The following IL2RA variants were observed in gnomAD, a reference collection of about 807,000 sequenced individuals.
The protein encoded by IL2RA is interleukin-2 receptor subunit alpha.
IL2RA carries 24 observed loss-of-function variants against 37.8 expected under a neutral mutation model. The ratio of observed to expected loss-of-function variants is 0.63; its 90% CI spans 0.46 to 0.89. The LOEUF (loss-of-function observed/expected upper bound fraction) is 0.89. IL2RA is among the 40% of genes least tolerant of loss of function. IL2RA has a pLI of 0.00. For missense variants in IL2RA, 319 were observed against 348.6 expected (o/e 0.92, Z 0.68); for synonymous variants, 125 against 114.6 (o/e 1.09, Z -0.58).
In IL2RA at chr10:6,047,720, A is replaced by T. The variant is rs974505598; in HGVS notation, c.64+14368T>A. ...ATCTTAGCTTATGAAATTATCTTAT[A>T]TGATAAAATAATTATACAGATATAT... On this transcript the variant is annotated intron_variant, in intron 1 of 7. Coordinates refer to ENST00000379959, the MANE Select transcript of IL2RA (RefSeq NM_000417.3). The surrounding 1 kb of genome is among the most constrained non-coding windows in gnomAD (Gnocchi z 5.0). 1.9e-4 allele frequency among the ~76,000 whole-genome samples: 28 copies of T among 149,580 alleles called. 1 individual carries two copies. Among genetic ancestry groups the T allele is most frequent in the Admixed American group, 1.5e-3 (22 of 14,952 alleles).
chr10:6,032,180 A>T (rs1283275137), intron 1 of IL2RA, among the ~76,000 whole-genome samples: 2 of 152,104 alleles, frequency 1.3e-5, no homozygotes, highest in Non-Finnish European at 1.5e-5. Context: ...CTTATGCAAG[A>T]ATTAATTTTA....
chr10:6,038,037 CAT>C (rs1318404407), intron 1 of IL2RA, among the ~76,000 whole-genome samples: 2 of 152,158 alleles, frequency 1.3e-5, no homozygotes, highest in East Asian at 3.9e-4. Context: ...TTAATGGTAT[CAT>C]AGAATATGAG....
Position 6,025,773 on chromosome 10 carries a change from G to T in IL2RA, c.256+61C>A. The T allele has an allele frequency of 2.6e-6, 4 of 1,515,394 alleles. No homozygotes were observed. Among genetic ancestry groups the T allele is most frequent in the Non-Finnish European group, 3.7e-6 (4 of 1,091,210 alleles). The allele number at this position is 1,515,394 out of a possible 1,614,324, so 93.9% of individuals were successfully genotyped here. A position where few individuals can be genotyped will look rare whatever the true frequency, so the allele number is the denominator to read the frequency against. Reference sequence around the variant, plus strand: ...ATAGGGCTGAGTGAACAAAAGCTGGGCTCTGTCTCACTCTTTGCTGCAGTT... The same window carrying T: ...ATAGGGCTGAGTGAACAAAAGCTGGTCTCTGTCTCACTCTTTGCTGCAGTT... On this transcript the variant is annotated intron_variant, in intron 2 of 7. Coordinates refer to ENST00000379959, the MANE Select transcript of IL2RA (RefSeq NM_000417.3). The surrounding 1 kb of genome is among the most constrained non-coding windows in gnomAD (Gnocchi z 4.4).
At position 6,025,886 on chromosome 10, in the gene IL2RA, T is replaced by C. The variant is rs563759672; in HGVS notation, c.204A>G (p.Thr68=). The change falls in exon 2 of 8, where the codon ACA becomes ACG. Residue 68 remains threonine, a synonymous_variant. Coordinates refer to ENST00000379959, the MANE Select transcript of IL2RA (RefSeq NM_000417.3). The surrounding 1 kb of genome is among the most constrained non-coding windows in gnomAD (Gnocchi z 4.4). ...IKSGSLYMLC[T]GNSSHSSWDN... ...CCCAGGACGAGTGGCTAGAGTTTCC[T>C]GTACAGAGCATATAGAGTGACCCGC... The C allele has an allele frequency of 3.0e-5, 49 of 1,614,250 alleles. No homozygotes were observed. In the South Asian group the frequency reaches 4.3e-4, roughly 14 times the overall value.
At chr10:6,017,928 C>G in intron 7 of IL2RA, 125 bp downstream of exon 7, 1 of 767,148 alleles carries the variant, frequency 1.3e-6, no homozygotes. Flanking sequence ...ATTGGCCTCT[C>G]CCTTTGCCAC....
At chr10:6,055,337 A>G (rs1840026599) in intron 1 of IL2RA, among the ~76,000 whole-genome samples, 1 of 152,156 alleles carries the variant, frequency 6.6e-6, no homozygotes, top group Admixed American at 6.5e-5. Flanking sequence ...GTATTCAAGG[A>G]ACTGGAAGGG....
Position 6,019,886 on chromosome 10 carries a change from G to A in IL2RA, c.639C>T (p.Cys213=), listed in dbSNP as rs1211949622. ...CTCCCGCACCTGTTGTTGTGACGAG[G>A]CAGGAAGTCTCACTCTCAGGACGGC... The part of the protein sequence containing the change: ...PEGRPESETS[C]LVTTTDFQIQ... Residue 213 remains cysteine (C), a synonymous_variant, in exon 5 of 8, where the codon TGC becomes TGT. Coordinates refer to ENST00000379959, the MANE Select transcript of IL2RA (RefSeq NM_000417.3). 3.1e-6 allele frequency: 5 copies of A among 1,614,004 alleles called. No individual in the cohort carries two copies. Among genetic ancestry groups the A allele is most frequent in the African/African-American group, 2.7e-5 (2 of 74,940 alleles).
chr10:6,017,567 G>A (rs7918154), intron 7 of IL2RA, among the ~76,000 whole-genome samples: 5 of 116,068 alleles, frequency 4.3e-5, no homozygotes, highest in Non-Finnish European at 3.6e-5. Context: ...TTCCCTGGTC[G>A]TTTAATTTTT....
intron 1 of IL2RA, among the ~76,000 whole-genome samples, chr10:6,026,973 T>C (rs1333021657): frequency 2.0e-5 from 3 of 152,174 alleles, no homozygotes; most frequent in African/African-American, 7.2e-5. Context: ...CACCTTGTCC[T>C]CCGGAAGACC....
chr10:6,027,070 C>G (rs1276384720), intron 1 of IL2RA, among the ~76,000 whole-genome samples: 1 of 152,168 alleles, frequency 6.6e-6, no homozygotes, highest in Non-Finnish European at 1.5e-5. Flanking sequence ...GCCTGTAATT[C>G]CAGCACTTTG....
chr10:6,024,354 G>T lies in IL2RA; in HGVS notation c.257C>A (p.Ala86Asp). ...WDNQCQCTSS[A>D]TRNTTKQVTP... ...CACTTGTTTCGTTGTGTTCCGAGTG[G>T]CTAGAAAATATAGATGGAATGATGC... The change falls in exon 3 of 8, where the codon GCC (alanine) becomes GAC (aspartate). Residue 86 changes from alanine to aspartate, a missense_variant and splice_region_variant. Physicochemically the swap from Ala to Asp is moderately radical, Grantham distance 126 (BLOSUM62 -2). Transcript: ENST00000379959. The T allele has an allele frequency of 1.2e-6, 2 of 1,600,388 alleles. No homozygotes were observed. Among genetic ancestry groups the T allele is most frequent in the South Asian group, 1.1e-5 (1 of 90,828 alleles).
In IL2RA at chr10:6,015,218, G is replaced by A. The variant is rs12722595; in HGVS notation, c.795-2322C>T. Among the ~76,000 whole-genome samples the A allele has an allele frequency of 1.3e-3, 192 of 151,762 alleles. 1 individual carries two copies. The highest frequency in any genetic ancestry group is 1.9e-3 in the South Asian group (9 of 4,788). ...AGCGATTCTCCTGCATCAGCCTCCC[G>A]AGTAGCTAAGATTATAGGTGCGCAC... is the stretch of plus-strand genomic sequence containing the variant. On this transcript the variant is annotated intron_variant, in intron 7 of 7. Transcript: ENST00000379959. This position sits in a 1 kb window ranked among gnomAD's most constrained non-coding sequence, Gnocchi z 4.9.
intron 1 of IL2RA, among the ~76,000 whole-genome samples, chr10:6,032,458 C>T (rs894768103): frequency 5.3e-5 from 8 of 151,574 alleles, no homozygotes; most frequent in South Asian, 2.1e-4. Context: ...TTTGGGAGGC[C>T]GGGGCGGGCA....
chr10:6,038,033 G>T (rs2132877019), intron 1 of IL2RA, among the ~76,000 whole-genome samples: 1 of 152,252 alleles, frequency 6.6e-6, no homozygotes, highest in East Asian at 1.9e-4. Flanking sequence ...CCTTTTAATG[G>T]TATCATAGAA....
At position 6,033,553 on chromosome 10, in the gene IL2RA, T is replaced by C. The variant is rs992717574; in HGVS notation, c.65-7528A>G. ...AACTCAATAATTCAAACATCCATCATTGGGAGAACAGACAAGTAGCTTATG... is the reference window on the plus strand; with the variant it reads ...AACTCAATAATTCAAACATCCATCACTGGGAGAACAGACAAGTAGCTTATG... On this transcript the variant is annotated intron_variant, in intron 1 of 7. Transcript: ENST00000379959. This position sits in a 1 kb window ranked among gnomAD's most constrained non-coding sequence, Gnocchi z 4.3. Among the ~76,000 whole-genome samples, 1 of 152,166 alleles carries C rather than the reference T, an allele frequency of 6.6e-6. No homozygotes were observed. Among genetic ancestry groups the C allele is most frequent in the African/African-American group, 2.4e-5 (1 of 41,446 alleles).
In IL2RA at chr10:6,015,418, G is replaced by C. The variant is rs1839259874; in HGVS notation, c.795-2522C>G. On this transcript the variant is annotated intron_variant, in intron 7 of 7. Transcript: ENST00000379959. The surrounding 1 kb of genome is among the most constrained non-coding windows in gnomAD (Gnocchi z 4.9). The stretch of plus-strand genomic sequence containing the variant: ...TGATTCTTAATGCTGTTAGCCTAGT[G>C]CGGTGATCCTCAGAGTCTGCTCCCT... 6.6e-6 allele frequency among the ~76,000 whole-genome samples: 1 copy of C among 152,074 alleles called. No homozygotes were observed.
intron 6 of IL2RA, 53 bp downstream of exon 6, chr10:6,019,375 T>C: frequency 7.4e-7 from 1 of 1,348,250 alleles, no homozygotes; most frequent in Non-Finnish European, 1.1e-6. Flanking sequence ...AGTCAACCTG[T>C]CCATATCTCA....
Position 6,012,070 on chromosome 10 carries a change from A to C in IL2RA, c.*802T>G, listed in dbSNP as rs1395772529. Reference sequence around the variant, plus strand: ...TCAGGGTATCATTCATAGCAATCCCAAAGAAACTAACTCTTAAAGAGGCCA... The same window carrying C: ...TCAGGGTATCATTCATAGCAATCCCCAAGAAACTAACTCTTAAAGAGGCCA... On this transcript the variant is annotated 3_prime_UTR_variant, in exon 8 of 8. Transcript: ENST00000379959. The surrounding 1 kb of genome is among the most constrained non-coding windows in gnomAD (Gnocchi z 4.8). 1 of 152,420 alleles carries C rather than the reference A, an allele frequency of 6.6e-6. No individual in the cohort carries two copies. The highest frequency in any genetic ancestry group is 6.5e-5 in the Admixed American group (1 of 15,276). 9.4% of individuals were successfully genotyped at this position (152,420 alleles called of 1,614,324 possible).
rs776627600 is a variant in IL2RA at position 6,018,131 on chromosome 10, G to C, written c.728-12C>G. 11 of 1,612,984 alleles carry C rather than the reference G, an allele frequency of 6.8e-6. No homozygotes were observed. The highest frequency in any genetic ancestry group is 9.3e-6 in the Non-Finnish European group (11 of 1,179,188). On this transcript the variant is annotated splice_polypyrimidine_tract_variant and intron_variant, in intron 6 of 7. Coordinates refer to ENST00000379959, the MANE Select transcript of IL2RA (RefSeq NM_000417.3). The surrounding 1 kb of genome is among the most constrained non-coding windows in gnomAD (Gnocchi z 5.1). Reference sequence around the variant, plus strand: ...AACACAGCCGGCCACTGTCAATAGAGAGAGGGAGTTCAGCAAAGGGCCCTG... The same window carrying C: ...AACACAGCCGGCCACTGTCAATAGACAGAGGGAGTTCAGCAAAGGGCCCTG...
Sources: allele counts gnomAD v4.1 joint callset (sites outside exome capture counted in the v4.1 genomes callset), GRCh38; gene constraint gnomAD v4.1.1; non-coding constraint Gnocchi (gnomAD v3.1); transcripts MANE v1.5; gene names NCBI Gene and HGNC (gene_info 2026-07-23, HGNC 2026-07-21).